The following BEND6 variants were observed in gnomAD, a reference collection of about 807,000 sequenced individuals.
BEND6 encodes the protein BEN domain containing 6.
In BEND6, 24 loss-of-function variants were observed where a neutral mutation model predicts 31.8. The observed-to-expected ratio is 0.75, with a 90% CI of 0.55 to 1.06. The LOEUF is 1.06. Ranked by LOEUF, BEND6 falls within the 50% of genes least tolerant of loss-of-function variation. The pLI is 0.00. For missense variants in BEND6, 294 were observed against 327.4 expected, an observed-to-expected ratio of 0.90 and a Z score of 0.79; for synonymous variants, 109 against 114.6, an observed-to-expected ratio of 0.95 and a Z score of 0.31.
At chr6:57,004,501 G>T in intron 3 of BEND6, 2 of 688,370 alleles carry the variant, frequency 2.9e-6, no homozygotes, top group Non-Finnish European at 5.3e-6. Flanking sequence ...GGCCTCTGCC[G>T]CTCCAGCTCC....
chr6:57,015,251 C>T lies in BEND6; in HGVS notation c.417C>T (p.Ser139=), dbSNP rs1269558274. 9 of 1,614,148 alleles carry T rather than the reference C, an allele frequency of 5.6e-6. No homozygotes were observed. The highest frequency in any genetic ancestry group is 7.6e-6 in the Non-Finnish European group (9 of 1,180,022). The stretch of plus-strand genomic sequence containing the variant: ...CCCTCTGGAGAGCAACAAACAACTC[C>T]TCGCCAGATTCATTTGCCTCAACAT... ...ASTLWRATNN[S]SPDSFASTCS... is the part of the protein sequence containing the mutation. Residue 139 remains serine (S), a synonymous_variant, in exon 4 of 7, where the codon TCC becomes TCT. Transcript: ENST00000370746.
intron 1 of BEND6, among the ~76,000 whole-genome samples, chr6:56,981,343 G>A (rs186247665): frequency 1.2e-4 from 18 of 152,018 alleles, no homozygotes; most frequent in Admixed American, 1.0e-3. Flanking sequence ...TATTATTAAC[G>A]TCTTTTTCCT....
intron 2 of BEND6, among the ~76,000 whole-genome samples, chr6:56,991,713 A>G (rs1826508554): frequency 6.6e-6 from 1 of 152,064 alleles, no homozygotes; most frequent in African/African-American, 2.4e-5. Flanking sequence ...ATATATACAG[A>G]AGAATACACA....
At chr6:57,001,976 C>T (rs770993516) in intron 3 of BEND6, among the ~76,000 whole-genome samples, 1 of 152,138 alleles carries the variant, frequency 6.6e-6, no homozygotes, top group Non-Finnish European at 1.5e-5. Flanking sequence ...AAGTAGACCT[C>T]ATATGTAATG....
At chr6:56,971,522 T>G (rs753863335) in intron 1 of BEND6, among the ~76,000 whole-genome samples, 2 of 152,220 alleles carry the variant, frequency 1.3e-5, no homozygotes, top group African/African-American at 2.4e-5. Context: ...GTAATTTTAT[T>G]TTTAATTTTT....
chr6:57,002,065 T>C (rs1028408393), intron 3 of BEND6, among the ~76,000 whole-genome samples: 1 of 152,204 alleles, frequency 6.6e-6, no homozygotes, highest in African/African-American at 2.4e-5. Flanking sequence ...GTGATTCTTA[T>C]ATCAGATAAA....
At position 57,017,269 on chromosome 6, in the gene BEND6, T is replaced by C; in HGVS notation, c.582T>C (p.Asn194=). 1 of 1,561,860 alleles carries C rather than the reference T, an allele frequency of 6.4e-7. No homozygotes were observed. The highest frequency in any genetic ancestry group is 8.7e-7 in the Non-Finnish European group (1 of 1,155,002). ...AGAGCAAGCCTCAGAAGTTTATTAA[T>C]GATTTAATGCAAGTACTTTACACAA... ...CNKSKPQKFI[N]DLMQVLYTNE... is the part of the protein sequence containing the mutation. Residue 194 remains asparagine (N), a synonymous_variant, in exon 5 of 7, where the codon AAT becomes AAC. Coordinates refer to ENST00000370746, the MANE Select transcript of BEND6 (RefSeq NM_152731.3).
At chr6:56,968,696 G>A (rs777066682) in intron 1 of BEND6, among the ~76,000 whole-genome samples, 43 of 151,822 alleles carry the variant, frequency 2.8e-4, no homozygotes, top group Non-Finnish European at 5.4e-4. Context: ...CAGCATTGTC[G>A]AACCATCCCG....
chr6:56,968,823 C>A (rs1825583227), intron 1 of BEND6, among the ~76,000 whole-genome samples: 1 of 152,012 alleles, frequency 6.6e-6, no homozygotes, highest in Admixed American at 6.6e-5. Context: ...CACCTGTAAT[C>A]CCAGCACTTT....
chr6:57,001,458 T>A (rs960983624), intron 3 of BEND6, among the ~76,000 whole-genome samples: 2 of 152,028 alleles, frequency 1.3e-5, no homozygotes, highest in Admixed American at 6.5e-5. Context: ...CCACTGAACC[T>A]GGCAAGAAAA....
chr6:56,999,761 A>C (rs1271833709), intron 3 of BEND6, among the ~76,000 whole-genome samples: 1 of 152,220 alleles, frequency 6.6e-6, no homozygotes, highest in Non-Finnish European at 1.5e-5. Flanking sequence ...GTCTATACCC[A>C]GCCACTTTGG....
chr6:57,017,917 CA>C (rs1827619680), intron 5 of BEND6, among the ~76,000 whole-genome samples: 1 of 152,142 alleles, frequency 6.6e-6, no homozygotes, highest in Admixed American at 6.5e-5. Context: ...CTTCCTGAAA[CA>C]AAAAACTGCT....
intron 1 of BEND6, among the ~76,000 whole-genome samples, chr6:56,965,282 T>C (rs1484036193): frequency 1.3e-5 from 2 of 152,144 alleles, no homozygotes; most frequent in African/African-American, 4.8e-5. Context: ...GGAACTCCAC[T>C]TAAGATGATT....
intron 3 of BEND6, among the ~76,000 whole-genome samples, chr6:57,003,396 G>C (rs1827017544): frequency 6.6e-6 from 1 of 152,100 alleles, no homozygotes; most frequent in African/African-American, 2.4e-5. Context: ...AGCTACTCAG[G>C]AGTCTGAAGC....
chr6:56,999,566 C>T (rs558874272), intron 3 of BEND6, among the ~76,000 whole-genome samples: 1 of 152,330 alleles, frequency 6.6e-6, no homozygotes, highest in Admixed American at 6.5e-5. Flanking sequence ...CACTGGATTC[C>T]CCATCAGTGC....
At chr6:57,014,253 T>C (rs1827451001) in intron 3 of BEND6, among the ~76,000 whole-genome samples, 1 of 152,232 alleles carries the variant, frequency 6.6e-6, no homozygotes, top group South Asian at 2.1e-4. Context: ...TAGTAGATTT[T>C]CCTTTAATAT....
chr6:57,021,691 T>C (rs1827747872), intron 6 of BEND6, among the ~76,000 whole-genome samples: 2 of 152,330 alleles, frequency 1.3e-5, no homozygotes, highest in Middle Eastern at 6.8e-3. Context: ...AATATTAGGC[T>C]ATCACCTCTA....
intron 5 of BEND6, 110 bp downstream of exon 5, chr6:57,017,509 G>A: frequency 1.1e-6 from 1 of 934,484 alleles, no homozygotes. Flanking sequence ...ATTTTTCTGG[G>A]AAAGAAAAAT....
In BEND6 at chr6:57,003,512, GCAACAA is replaced by G. The variant is rs371966915; in HGVS notation, c.298+10982_298+10987del. On this transcript the variant is annotated intron_variant, in intron 3 of 6. Transcript: ENST00000370746. ...TGAGACCCTGTCTCAAAAACAAACAGCAACAACAACAACAACAACAACAACAACAAA... is the reference window on the plus strand; with the variant it reads ...TGAGACCCTGTCTCAAAAACAAACAGCAACAACAACAACAACAACAACAAA... Among the ~76,000 whole-genome samples, 728 of 146,634 alleles carry G rather than the reference GCAACAA, an allele frequency of 5.0e-3. 7 individuals carry two copies. The highest frequency in any genetic ancestry group is 0.018 in the African/African-American group (675 of 37,848).
Sources: allele counts gnomAD v4.1 joint callset (sites outside exome capture counted in the v4.1 genomes callset), GRCh38; gene constraint gnomAD v4.1.1; transcripts MANE v1.5; gene names NCBI Gene and HGNC (gene_info 2026-07-23, HGNC 2026-07-21).